The following KCNQ1 variants were observed in gnomAD, a reference collection of about 807,000 sequenced individuals.
KCNQ1 encodes the protein potassium voltage-gated channel subfamily Q member 1, also known as potassium voltage-gated channel subfamily KQT member 1.
KCNQ1 carries 49 observed loss-of-function variants against 72.4 expected under a neutral mutation model. The ratio of observed to expected loss-of-function variants is 0.68; its 90% CI spans 0.54 to 0.86. The LOEUF is 0.86. Among genes scored for constraint, KCNQ1 ranks in the 40% least tolerant of loss-of-function variants. The probability of loss-of-function intolerance (pLI) is 0.00; values close to 1 mark genes in which losing one functional copy is unlikely to be tolerated. For missense variants in KCNQ1, 790 were observed against 945.1 expected, an observed-to-expected ratio of 0.84 and a Z score of 2.15; for synonymous variants, 450 against 412.6, an observed-to-expected ratio of 1.09 and a Z score of -1.10.
intron 8 of KCNQ1, among the ~76,000 whole-genome samples, chr11:2,586,327 C>T (rs1848591800): frequency 6.6e-6 from 1 of 152,226 alleles, no homozygotes; most frequent in South Asian, 2.1e-4. Context: ...CCTGGCTCAG[C>T]CATCGGGGGG....
At chr11:2,666,607 C>T (rs528445806) in intron 11 of KCNQ1, 8 of 398,528 alleles carry the variant, frequency 2.0e-5, no homozygotes, top group Non-Finnish European at 3.5e-5. Flanking sequence ...GAAATAAGGG[C>T]AAACGTCACA....
intron 10 of KCNQ1, among the ~76,000 whole-genome samples, chr11:2,605,631 T>C (rs1208702252): frequency 1.3e-5 from 2 of 152,220 alleles, no homozygotes; most frequent in African/African-American, 4.8e-5. Flanking sequence ...CTGATTCTAT[T>C]CCCTTGATCT....
At chr11:2,755,579 C>T (rs7924946) in intron 11 of KCNQ1, among the ~76,000 whole-genome samples, 20,986 of 152,186 alleles carry the variant, frequency 0.14, 1,524 homozygotes, top group East Asian at 0.22. Flanking sequence ...CTTTTAAAGA[C>T]TTGTGGTTAA....
At chr11:2,758,305 A>T (rs1306573606) in intron 11 of KCNQ1, among the ~76,000 whole-genome samples, 2 of 152,220 alleles carry the variant, frequency 1.3e-5, no homozygotes, top group Non-Finnish European at 2.9e-5. Context: ...CCAAAAGATG[A>T]TCAACTTCGT....
rs1040441119 is a variant in KCNQ1, at chr11:2,724,680, G to A, written c.1515-44164G>A. 6.6e-6 allele frequency among the ~76,000 whole-genome samples: 1 copy of A among 152,198 alleles called. No homozygotes were observed. Among genetic ancestry groups the A allele is most frequent in the South Asian group, 2.1e-4 (1 of 4,824 alleles). Reference sequence around the variant, plus strand: ...ACTTCGCTCCCCAGGAGGCGACACTGTGATTGTCCTGGGCTCACAGAGGAG... The same window carrying A: ...ACTTCGCTCCCCAGGAGGCGACACTATGATTGTCCTGGGCTCACAGAGGAG... On this transcript the variant is annotated intron_variant, in intron 11 of 15. Transcript: ENST00000155840. This position sits in a 1 kb window ranked among gnomAD's most constrained non-coding sequence, Gnocchi z 6.8.
rs1055055020 is a variant in KCNQ1 at position 2,766,928 on chromosome 11, C to T, written c.1515-1916C>T. On this transcript the variant is annotated intron_variant, in intron 11 of 15. Coordinates refer to ENST00000155840, the MANE Select transcript of KCNQ1 (RefSeq NM_000218.3). The surrounding 1 kb of genome is among the most constrained non-coding windows in gnomAD (Gnocchi z 4.4). ...GCATGGTGGCTCATGCCTGTAATCC[C>T]AGCACTTTTGGAGGCCAAGGCGGAC... Among the ~76,000 whole-genome samples, 1 of 152,182 alleles carries T rather than the reference C, an allele frequency of 6.6e-6. No homozygotes were observed. The highest frequency in any genetic ancestry group is 2.4e-5 in the African/African-American group (1 of 41,436).
intron 15 of KCNQ1, among the ~76,000 whole-genome samples, chr11:2,791,042 C>T (rs1367850605): frequency 6.6e-6 from 1 of 152,240 alleles, no homozygotes; most frequent in Non-Finnish European, 1.5e-5. Context: ...TTGCCACCCT[C>T]AAGCCTCTCC....
At chr11:2,802,894 C>T (rs1406331637) in intron 15 of KCNQ1, among the ~76,000 whole-genome samples, 1 of 152,230 alleles carries the variant, frequency 6.6e-6, no homozygotes, top group Non-Finnish European at 1.5e-5. Context: ...CCAGCCCCAG[C>T]AGACCCTACA....
intron 10 of KCNQ1, among the ~76,000 whole-genome samples, chr11:2,589,419 T>C (rs903926431): frequency 2.0e-4 from 30 of 152,352 alleles, no homozygotes; most frequent in African/African-American, 6.7e-4. Context: ...GAAGCTACCT[T>C]CTGCGGGACC....
At chr11:2,788,161 T>C (rs1049565337) in intron 15 of KCNQ1, among the ~76,000 whole-genome samples, 4 of 150,882 alleles carry the variant, frequency 2.7e-5, no homozygotes, top group Non-Finnish European at 5.9e-5. Flanking sequence ...CTCCACCCCA[T>C]GCCCCCAACA....
chr11:2,482,050 C>T lies in KCNQ1; in HGVS notation c.386+36566C>T, dbSNP rs1026468280. Among the ~76,000 whole-genome samples the T allele has an allele frequency of 5.3e-5, 8 of 152,162 alleles. No homozygotes were observed. The highest frequency in any genetic ancestry group is 4.1e-4 in the South Asian group (2 of 4,822). ...CTGTTTGCTTTATGAATTTGTGCCT[C>T]AGTTTCTTCATCTCTGAAACGGGAA... is the stretch of plus-strand genomic sequence containing the variant. On this transcript the variant is annotated intron_variant, in intron 1 of 15. Transcript: ENST00000155840. This position sits in a 1 kb window ranked among gnomAD's most constrained non-coding sequence, Gnocchi z 5.7.
At position 2,494,089 on chromosome 11, in the gene KCNQ1, A is replaced by G. The variant is rs188872167; in HGVS notation, c.387-33839A>G. Among the ~76,000 whole-genome samples the G allele has an allele frequency of 1.3e-3, 200 of 151,564 alleles. 2 individuals are homozygous for G. Among genetic ancestry groups the G allele is most frequent in the African/African-American group, 4.6e-3 (190 of 41,272 alleles). ...TCCCTTGTAAGTTGTATTCCTAGGT[A>G]TTTTCTTCTCTTTGTAGCAATTATG... On this transcript the variant is annotated intron_variant, in intron 1 of 15. Transcript: ENST00000155840. The surrounding 1 kb of genome is among the most constrained non-coding windows in gnomAD (Gnocchi z 4.6).
chr11:2,480,378 C>G (rs1846633284), intron 1 of KCNQ1, among the ~76,000 whole-genome samples: 1 of 152,174 alleles, frequency 6.6e-6, no homozygotes, highest in Non-Finnish European at 1.5e-5. Flanking sequence ...GGGGAGGTCT[C>G]ACAATCATGG....
intron 10 of KCNQ1, chr11:2,610,424 C>A (rs1564832738): frequency 2.5e-6 from 1 of 398,224 alleles, no homozygotes. Flanking sequence ...GTTTTATTAA[C>A]CTCCTTATAT....
In KCNQ1 at chr11:2,723,395, T is replaced by C. The variant is rs1389328490; in HGVS notation, c.1515-45449T>C. On this transcript the variant is annotated intron_variant, in intron 11 of 15. Coordinates refer to ENST00000155840, the MANE Select transcript of KCNQ1 (RefSeq NM_000218.3). The surrounding 1 kb of genome is among the most constrained non-coding windows in gnomAD (Gnocchi z 4.2). ...AGCCTTGGTGTCCCCATCTGTAAAG[T>C]GGGATGTGACAATACCCTTCTTGCT... 3.3e-5 allele frequency among the ~76,000 whole-genome samples: 5 copies of C among 152,304 alleles called. No individual in the cohort carries two copies. In the East Asian group the frequency reaches 9.7e-4, roughly 29 times the overall value.
At chr11:2,832,340 G>T (rs116276569) in intron 15 of KCNQ1, among the ~76,000 whole-genome samples, 1,688 of 152,312 alleles carry the variant, frequency 0.011, 29 homozygotes, top group African/African-American at 0.039. Context: ...GACCTGGCAG[G>T]GTGGGGGCTT....
chr11:2,764,467 C>T lies in KCNQ1; in HGVS notation c.1515-4377C>T, dbSNP rs1462461987. ...GCTGGTGGTGGTTAGGATATTTGCA[C>T]GTATGTTCACGAGAGAGATTAACCT... On this transcript the variant is annotated intron_variant, in intron 11 of 15. Transcript: ENST00000155840. The surrounding 1 kb of genome is among the most constrained non-coding windows in gnomAD (Gnocchi z 4.8). Among the ~76,000 whole-genome samples, 2 of 152,054 alleles carry T rather than the reference C, an allele frequency of 1.3e-5. No individual in the cohort carries two copies. Among genetic ancestry groups the T allele is most frequent in the African/African-American group, 2.4e-5 (1 of 41,392 alleles).
chr11:2,671,214 G>C lies in KCNQ1; in HGVS notation c.1514+9133G>C. 1 of 398,678 alleles carries C rather than the reference G, an allele frequency of 2.5e-6. No homozygotes were observed. The highest frequency in any genetic ancestry group is 4.4e-6 in the Non-Finnish European group (1 of 226,090). 24.7% of individuals were successfully genotyped at this position (398,678 alleles called of 1,614,324 possible). On this transcript the variant is annotated intron_variant, in intron 11 of 15. Coordinates refer to ENST00000155840, the MANE Select transcript of KCNQ1 (RefSeq NM_000218.3). This position sits in a 1 kb window ranked among gnomAD's most constrained non-coding sequence, Gnocchi z 4.7. The stretch of plus-strand genomic sequence containing the variant: ...AAGAAAAATAAAAGGTAGAGAGACA[G>C]AGGTAGACAGGAGTCCAGGTCTGAC...
chr11:2,716,844 G>A lies in KCNQ1; in HGVS notation c.1515-52000G>A, dbSNP rs141629285. Among the ~76,000 whole-genome samples the A allele has an allele frequency of 2.7e-4, 41 of 152,350 alleles. No homozygotes were observed. The East Asian group carries it at 7.5e-3, about 28-fold the overall frequency. ...CCACATTTGGAGGGAGCCGAGGGCA[G>A]GCAGGAGCCAGGACCCAGTGCATCC... On this transcript the variant is annotated intron_variant, in intron 11 of 15. Coordinates refer to ENST00000155840, the MANE Select transcript of KCNQ1 (RefSeq NM_000218.3).
Sources: allele counts gnomAD v4.1 joint callset (sites outside exome capture counted in the v4.1 genomes callset), GRCh38; gene constraint gnomAD v4.1.1; non-coding constraint Gnocchi (gnomAD v3.1); transcripts MANE v1.5; gene names NCBI Gene and HGNC (gene_info 2026-07-23, HGNC 2026-07-21).